EIF1: variants seen among roughly 807,000 people sequenced by gnomAD.
The protein encoded by EIF1 is eukaryotic translation initiation factor 1, also known as protein translation factor SUI1 homolog.
Under a neutral mutation model 13.7 loss-of-function variants are expected in EIF1, and 4 were observed. The observed-to-expected ratio is 0.29, with a 90% confidence interval of 0.14 to 0.67. The LOEUF (loss-of-function observed/expected upper bound fraction) is 0.67. Among genes scored for constraint, EIF1 ranks in the 30% least tolerant of loss-of-function variants. EIF1 has a pLI of 0.77. For synonymous variants in EIF1, 67 were observed against 50.7 expected, an observed-to-expected ratio of 1.32 and a Z score of -1.37; for missense variants, 64 against 138.0, an observed-to-expected ratio of 0.46 and a Z score of 2.69.
At position 41,688,974 on chromosome 17, in the gene EIF1, T is replaced by G. The variant is rs1336383779; in HGVS notation, c.-65T>G. Reference sequence around the variant, plus strand: ...ACGTTCCGTTCCCCCCTGCCCGCCTTCTCCCGCCACCGCCGCCGCCGCCTT... The same window carrying G: ...ACGTTCCGTTCCCCCCTGCCCGCCTGCTCCCGCCACCGCCGCCGCCGCCTT... On this transcript the variant is annotated 5_prime_UTR_variant, in exon 1 of 4. Coordinates refer to ENST00000469257, the MANE Select transcript of EIF1 (RefSeq NM_005801.4). The G allele has an allele frequency of 1.3e-6, 2 of 1,577,010 alleles. No individual in the cohort carries two copies. The highest frequency in any genetic ancestry group is 1.7e-6 in the Non-Finnish European group (2 of 1,151,278).
At position 41,689,106 on chromosome 17, in the gene EIF1, A is replaced by G. The variant is rs200181563; in HGVS notation, c.31+37A>G. 579 of 1,611,184 alleles carry G rather than the reference A, an allele frequency of 3.6e-4. 4 individuals are homozygous for G. Among genetic ancestry groups the G allele is most frequent in the Non-Finnish European group, 5.1e-5 (60 of 1,178,264 alleles). ...GAAAGGTCGCGGGCCCGGGTGGGGC[A>G]GCGGGGCCTTCCGGGCCCGGAGACG... On this transcript the variant is annotated intron_variant, in intron 1 of 3. Transcript: ENST00000469257.
intron 1 of EIF1, chr17:41,689,472 C>A: frequency 2.2e-6 from 1 of 452,700 alleles, no homozygotes; most frequent in Non-Finnish European, 3.9e-6. Context: ...TTAGCCCCGC[C>A]TCGGGAGCTC....
chr17:41,691,135 G>A lies in EIF1; in HGVS notation c.*309G>A, dbSNP rs758029080. ...CCTAAGATTACAAACAACTATGGCC[G>A]GAACCTCCTCAGCTCTCCCTCTGCA... On this transcript the variant is annotated 3_prime_UTR_variant, in exon 4 of 4. Coordinates refer to ENST00000469257, the MANE Select transcript of EIF1 (RefSeq NM_005801.4). 3.7e-4 allele frequency: 195 copies of A among 523,522 alleles called. No individual in the cohort carries two copies. The highest frequency in any genetic ancestry group is 5.4e-4 in the Non-Finnish European group (158 of 293,322). The allele number at this position is 523,522 out of a possible 1,614,324, so 32.4% of individuals were successfully genotyped here.
At position 41,688,933 on chromosome 17, in the gene EIF1, GC is replaced by G; in HGVS notation, c.-101del. 1.7e-6 allele frequency: 2 copies of G among 1,180,734 alleles called. No individual in the cohort carries two copies. Among genetic ancestry groups the G allele is most frequent in the South Asian group, 1.3e-5 (1 of 78,046 alleles). 73.1% of individuals were successfully genotyped at this position (1,180,734 alleles called of 1,614,324 possible). The stretch of plus-strand genomic sequence containing the variant: ...GAGGATTCAGCAGCCTCCCCCTTGA[GC>G]CCCCTCGCTTCCCGACGTTCCGTTC... On this transcript the variant is annotated 5_prime_UTR_variant, in exon 1 of 4. Coordinates refer to ENST00000469257, the MANE Select transcript of EIF1 (RefSeq NM_005801.4).
Position 41,689,204 on chromosome 17 carries a change from G to A in EIF1, c.31+135G>A, listed in dbSNP as rs1910289920. ...GGGGAAACTTGACCAGGGTCGCAGG[G>A]CAGCGGGATCAAGGCCTGGGCCCCG... On this transcript the variant is annotated intron_variant, in intron 1 of 3. Transcript: ENST00000469257. 2.8e-6 allele frequency: 3 copies of A among 1,067,042 alleles called. No individual in the cohort carries two copies. The East Asian group carries it at 7.2e-5, about 26-fold the overall frequency. The allele number at this position is 1,067,042 out of a possible 1,614,324, so 66.1% of individuals were successfully genotyped here.
intron 1 of EIF1, 39 bp from the exon 2 acceptor site, chr17:41,689,739 T>C (rs1910317975): frequency 1.9e-6 from 3 of 1,549,456 alleles, no homozygotes; most frequent in Non-Finnish European, 1.7e-6. Flanking sequence ...TGGCATCCTA[T>C]CTTTGACAGC....
At chr17:41,689,577 C>G (rs919105417) in intron 1 of EIF1, 10 of 520,820 alleles carry the variant, frequency 1.9e-5, no homozygotes, top group Non-Finnish European at 3.0e-5. Context: ...GCGGGAGGCC[C>G]GGGCGTTCCC....
intron 1 of EIF1, chr17:41,689,366 C>T (rs1206415604): frequency 1.4e-5 from 8 of 553,928 alleles, no homozygotes; most frequent in East Asian, 3.1e-5. Flanking sequence ...ACCATTGCGT[C>T]ACGTCCGTTA....
rs201846948 is a variant in EIF1 at position 41,690,774 on chromosome 17, C to T, written c.298-8C>T. 8.7e-6 allele frequency: 14 copies of T among 1,613,732 alleles called. No individual in the cohort carries two copies. The highest frequency in any genetic ancestry group is 3.3e-5 in the Admixed American group (2 of 59,956). ...CCCATTTAAAACTTTGCCCTTTTGT[C>T]TTTTCAGATTGGACTGGCTAAGGAC... On this transcript the variant is annotated splice_region_variant and splice_polypyrimidine_tract_variant and intron_variant, in intron 3 of 3. Coordinates refer to ENST00000469257, the MANE Select transcript of EIF1 (RefSeq NM_005801.4).
rs11550329 is a variant in EIF1 at position 41,689,002 on chromosome 17, G to A, written c.-37G>A. 6.2e-7 allele frequency: 1 copy of A among 1,611,732 alleles called. No homozygotes were observed. The highest frequency in any genetic ancestry group is 8.5e-7 in the Non-Finnish European group (1 of 1,179,358). On this transcript the variant is annotated 5_prime_UTR_variant, in exon 1 of 4. Coordinates refer to ENST00000469257, the MANE Select transcript of EIF1 (RefSeq NM_005801.4). ...CCCGCCACCGCCGCCGCCGCCTTCC[G>A]CAGGCCGTTTCCACCGAGGAAAAGG... is the stretch of plus-strand genomic sequence containing the variant.
rs774414488 is a variant in EIF1, at chr17:41,691,175, AAG to A, written c.*353_*354del. On this transcript the variant is annotated 3_prime_UTR_variant, in exon 4 of 4. Coordinates refer to ENST00000469257, the MANE Select transcript of EIF1 (RefSeq NM_005801.4). ...CTCCCTCTGCAGAGTTCCCTACCCT[AAG>A]AGAATGTTACCACCTGAACAGTCCT... The A allele has an allele frequency of 1.0e-4, 48 of 468,602 alleles. No homozygotes were observed. Among genetic ancestry groups the A allele is most frequent in the Non-Finnish European group, 1.5e-4 (40 of 262,840 alleles). 29.0% of individuals were successfully genotyped at this position (468,602 alleles called of 1,614,324 possible). A position where few individuals can be genotyped will look rare whatever the true frequency, so the allele number is the denominator to read the frequency against.
chr17:41,690,368 C>G, intron 3 of EIF1, 179 bp downstream of exon 3: 1 of 584,676 alleles, frequency 1.7e-6, no homozygotes, highest in South Asian at 2.2e-5. Context: ...ACTTGTCTAC[C>G]TTTGGTTTAC....
intron 1 of EIF1, 88 bp from the exon 2 acceptor site, chr17:41,689,690 C>G: frequency 3.6e-6 from 5 of 1,374,118 alleles, no homozygotes; most frequent in Non-Finnish European, 4.9e-6. Context: ...GTGTTGTTTT[C>G]TGCACGCGCA....
At chr17:41,690,004 G>T in intron 2 of EIF1, 63 bp downstream of exon 2, 2 of 1,611,974 alleles carry the variant, frequency 1.2e-6, no homozygotes, top group Non-Finnish European at 1.7e-6. Flanking sequence ...GGTGCCAGCT[G>T]TGTTGTATGT....
rs1567766018 is a variant in EIF1 at position 41,688,885 on chromosome 17, GC to G, written c.-150del. The G allele has an allele frequency of 1.4e-6, 1 of 719,608 alleles. No individual in the cohort carries two copies. 44.6% of individuals were successfully genotyped at this position (719,608 alleles called of 1,614,324 possible). On this transcript the variant is annotated 5_prime_UTR_variant, in exon 1 of 4. Transcript: ENST00000469257. ...AACTAAACACAGGCACCGCCCCTCT[GC>G]CCCAGTCACTGAGCCGCCGCCGAGG...
In EIF1 at chr17:41,691,989, T is replaced by C. The variant is rs1217064413; in HGVS notation, c.*1163T>C. ...TTTTGTATTTTTAGTAGAGACAGGG[T>C]TTCTCCATGTTGGCCAGGCTGGTCT... is the stretch of plus-strand genomic sequence containing the variant. On this transcript the variant is annotated 3_prime_UTR_variant, in exon 4 of 4. Transcript: ENST00000469257. The C allele has an allele frequency of 6.6e-6, 1 of 152,168 alleles. No homozygotes were observed. Among genetic ancestry groups the C allele is most frequent in the Non-Finnish European group, 1.5e-5 (1 of 68,050 alleles). The allele number at this position is 152,168 out of a possible 1,614,324, so 9.4% of individuals were successfully genotyped here. A position where few individuals can be genotyped will look rare whatever the true frequency, so the allele number is the denominator to read the frequency against.
At chr17:41,690,435 A>G (rs1910338220) in intron 3 of EIF1, 2 of 555,136 alleles carry the variant, frequency 3.6e-6, no homozygotes, top group Admixed American at 3.5e-5. Flanking sequence ...GATGCATTGT[A>G]AAATAAGCCA....
At chr17:41,689,656 C>G (rs748858210) in intron 1 of EIF1, 122 bp from the exon 2 acceptor site, 13 of 1,027,192 alleles carry the variant, frequency 1.3e-5, no homozygotes, top group South Asian at 1.7e-5. Context: ...CACATTCGGC[C>G]TGGCCCAAGC....
chr17:41,689,078 T>A lies in EIF1; in HGVS notation c.31+9T>A, dbSNP rs372429211. 2.6e-5 allele frequency: 42 copies of A among 1,613,462 alleles called. No homozygotes were observed. In the Admixed American group the frequency reaches 5.0e-4, roughly 19 times the overall value. ...GAACCTCCACTCTTTCGGTAAGCTA[T>A]GGGAAAGGTCGCGGGCCCGGGTGGG... On this transcript the variant is annotated intron_variant, in intron 1 of 3. Coordinates refer to ENST00000469257, the MANE Select transcript of EIF1 (RefSeq NM_005801.4).
Sources: gnomAD v4.1 joint callset for allele counts on GRCh38, gnomAD v4.1.1 for gene constraint, MANE v1.5 for transcripts, NCBI Gene and HGNC (gene_info 2026-07-23, HGNC 2026-07-21) for gene names.